Variants in CDH9 observed in about 807,000 individuals in gnomAD.
CDH9 encodes the protein cadherin-9.
Under a neutral mutation model 70.9 loss-of-function variants are expected in CDH9, and 28 were observed. That is an observed-to-expected ratio of 0.40 (90% CI 0.29 to 0.54). CDH9 has a LOEUF of 0.54. Among genes scored for constraint, CDH9 ranks in the 20% least tolerant of loss-of-function variants. The pLI is 0.59. For missense variants in CDH9, 874 were observed against 984.4 expected (o/e 0.89, Z 1.50); for synonymous variants, 409 against 343.1 (o/e 1.19, Z -2.12).
chr5:26,935,014 T>C (rs1741534571), intron 2 of CDH9, among the ~76,000 whole-genome samples: 2 of 151,534 alleles, frequency 1.3e-5, no homozygotes, highest in African/African-American at 4.8e-5. Flanking sequence ...TATAATCCAA[T>C]AGTGTATACA....
intron 8 of CDH9, 78 bp downstream of exon 8, chr5:26,890,350 A>G: frequency 8.2e-7 from 1 of 1,214,372 alleles, no homozygotes; most frequent in Non-Finnish European, 1.2e-6. Flanking sequence ...CCACTCAAGA[A>G]AATGAGTCTA....
rs58025140 is a variant in CDH9, at chr5:26,891,679, A to AAAACAAAC, written c.1254-1123_1254-1116dup. Among the ~76,000 whole-genome samples, 492 of 150,418 alleles carry AAAACAAAC rather than the reference A, an allele frequency of 3.3e-3. 2 individuals are homozygous for AAAACAAAC. Among genetic ancestry groups the AAAACAAAC allele is most frequent in the African/African-American group, 0.01 (423 of 40,870 alleles). On this transcript the variant is annotated intron_variant, in intron 7 of 11. Transcript: ENST00000231021. ...GGTGACAGAGTGAGACTCCATCTCAAAAACAAACAAACAAACAAACAAAGT... is the reference window on the plus strand; with the variant it reads ...GGTGACAGAGTGAGACTCCATCTCAAAAACAAACAAACAAACAAACAAACAAACAAAGT...
At chr5:27,008,769 C>A (rs1027928754) in intron 1 of CDH9, among the ~76,000 whole-genome samples, 3 of 152,124 alleles carry the variant, frequency 2.0e-5, no homozygotes, top group African/African-American at 7.2e-5. Context: ...GTGCTCCCTG[C>A]AGATCTCATT....
chr5:26,953,944 T>C (rs1263379025), intron 2 of CDH9, among the ~76,000 whole-genome samples: 1 of 151,254 alleles, frequency 6.6e-6, no homozygotes, highest in African/African-American at 2.5e-5. Flanking sequence ...ATATGAAACA[T>C]AAAACACACA....
intron 2 of CDH9, among the ~76,000 whole-genome samples, chr5:26,938,349 G>GA (rs1169332301): frequency 6.6e-6 from 1 of 151,514 alleles, no homozygotes; most frequent in Non-Finnish European, 1.5e-5. Flanking sequence ...ATAGGTAAAA[G>GA]AAAAACAGGC....
intron 7 of CDH9, among the ~76,000 whole-genome samples, chr5:26,899,317 TG>T (rs878928814): frequency 6.6e-6 from 1 of 152,194 alleles, no homozygotes. Flanking sequence ...ATCCCACTAC[TG>T]GGTATATACC....
intron 5 of CDH9, among the ~76,000 whole-genome samples, chr5:26,904,507 G>A: frequency 6.6e-6 from 1 of 152,030 alleles, no homozygotes; most frequent in African/African-American, 2.4e-5. Flanking sequence ...AGGTCTAAAG[G>A]CTTATATGCT....
intron 2 of CDH9, 32 bp from the exon 3 acceptor site, chr5:26,915,956 A>G: frequency 7.0e-7 from 1 of 1,423,768 alleles, no homozygotes; most frequent in Non-Finnish European, 9.7e-7. Flanking sequence ...GAGTTCTGTA[A>G]ATATATACAT....
intron 1 of CDH9, among the ~76,000 whole-genome samples, chr5:27,036,837 T>C (rs1743402083): frequency 6.6e-6 from 1 of 151,994 alleles, no homozygotes; most frequent in Non-Finnish European, 1.5e-5. Context: ...GGAAAAACTT[T>C]AGTCAAACCC....
At chr5:26,935,712 T>A (rs1741546562) in intron 2 of CDH9, among the ~76,000 whole-genome samples, 2 of 152,088 alleles carry the variant, frequency 1.3e-5, no homozygotes. Context: ...CTTAAAGAAC[T>A]AAAAGTAGAA....
In CDH9 at chr5:26,880,930, A is replaced by T; in HGVS notation, c.*206T>A. 2.4e-6 allele frequency: 1 copy of T among 410,520 alleles called. No homozygotes were observed. The highest frequency in any genetic ancestry group is 4.3e-6 in the Non-Finnish European group (1 of 231,694). 25.4% of individuals were successfully genotyped at this position (410,520 alleles called of 1,614,324 possible). On this transcript the variant is annotated 3_prime_UTR_variant, in exon 12 of 12. Transcript: ENST00000231021. ...CGAGATTGTTAGGCAAAGAGGGTGA[A>T]CTGGTTATTACTTTTTTAAAAATCT...
chr5:27,027,796 T>C (rs776423954), intron 1 of CDH9, among the ~76,000 whole-genome samples: 3 of 151,944 alleles, frequency 2.0e-5, no homozygotes, highest in Non-Finnish European at 2.9e-5. Context: ...AGATCATGGG[T>C]CTCCACATGC....
intron 7 of CDH9, among the ~76,000 whole-genome samples, chr5:26,891,028 T>C (rs1437457795): frequency 6.6e-6 from 1 of 152,218 alleles, no homozygotes; most frequent in Non-Finnish European, 1.5e-5. Context: ...TCTTGAATGT[T>C]TTTTTATTCA....
intron 7 of CDH9, among the ~76,000 whole-genome samples, chr5:26,897,338 A>C (rs934336041): frequency 5.9e-5 from 9 of 152,170 alleles, no homozygotes; most frequent in African/African-American, 2.2e-4. Flanking sequence ...CATCTTTCTG[A>C]TAACAAAACA....
intron 1 of CDH9, among the ~76,000 whole-genome samples, chr5:27,030,431 C>A (rs182311133): frequency 2.1e-3 from 321 of 150,668 alleles, no homozygotes; most frequent in Non-Finnish European, 3.1e-3. Flanking sequence ...AAATTTATTC[C>A]GTCTTTGAAG....
chr5:26,896,573 A>G (rs1422825641), intron 7 of CDH9, among the ~76,000 whole-genome samples: 2 of 145,170 alleles, frequency 1.4e-5, no homozygotes, highest in Non-Finnish European at 3.1e-5. Context: ...ATTTCATTAT[A>G]CAACAGAATG....
chr5:26,888,043 C>G (rs939843700), intron 9 of CDH9, among the ~76,000 whole-genome samples: 4 of 151,946 alleles, frequency 2.6e-5, no homozygotes, highest in African/African-American at 9.7e-5. Flanking sequence ...TCATGGCAGC[C>G]CTTGGAAACT....
chr5:26,937,125 C>A (rs1288652198), intron 2 of CDH9, among the ~76,000 whole-genome samples: 1 of 151,968 alleles, frequency 6.6e-6, no homozygotes, highest in Non-Finnish European at 1.5e-5. Context: ...AAAATGTTAG[C>A]CAAACACACA....
chr5:26,947,225 G>T (rs1002746621), intron 2 of CDH9, among the ~76,000 whole-genome samples: 1 of 152,150 alleles, frequency 6.6e-6, no homozygotes, highest in Admixed American at 6.6e-5. Context: ...TTAAGGAAAT[G>T]ATCATGCTGA....
Sources: gnomAD v4.1 joint callset for allele counts (sites outside exome capture counted in the v4.1 genomes callset) on GRCh38, gnomAD v4.1.1 for gene constraint, MANE v1.5 for transcripts, NCBI Gene and HGNC (gene_info 2026-07-23, HGNC 2026-07-21) for gene names.